HSF2: variants seen among roughly 807,000 people sequenced by gnomAD.
HSF2 encodes the protein heat shock factor protein 2.
Under a neutral mutation model 65.0 loss-of-function variants are expected in HSF2, and 21 were observed. That is an observed-to-expected ratio of 0.32 (90% CI 0.23 to 0.47). The LOEUF (loss-of-function observed/expected upper bound fraction) is 0.47, where lower values mean the gene tolerates loss of function less well. HSF2 is among the 20% of genes least tolerant of loss of function. The probability of loss-of-function intolerance (pLI) is 1.00; values close to 1 mark genes in which losing one functional copy is unlikely to be tolerated. For missense variants in HSF2, 499 were observed against 628.1 expected (o/e 0.79, Z 2.20); for synonymous variants, 225 against 219.1 (o/e 1.03, Z -0.24).
intron 1 of HSF2, among the ~76,000 whole-genome samples, chr6:122,400,097 G>T (rs567284812): frequency 2.4e-4 from 37 of 152,294 alleles, no homozygotes; most frequent in African/African-American, 7.7e-4. Flanking sequence ...GCCCCTTAAC[G>T]GTCCGGTCCG....
At chr6:122,427,522 TCA>T (rs1377493256) in intron 10 of HSF2, among the ~76,000 whole-genome samples, 1 of 151,932 alleles carries the variant, frequency 6.6e-6, no homozygotes, top group Non-Finnish European at 1.5e-5. Context: ...CAGTGAAGGC[TCA>T]GTGTCAGGGC....
rs1562203537 is a variant in HSF2, at chr6:122,420,165, AAAG to A, written c.630_632del (p.Lys210del). 7 of 1,611,022 alleles carry A rather than the reference AAAG, an allele frequency of 4.3e-6. No homozygotes were observed. The highest frequency in any genetic ancestry group is 1.1e-5 in the South Asian group (1 of 90,760). On this transcript the variant is annotated inframe_deletion, in exon 7 of 13. Transcript: ENST00000368455. ...TACTTCTAAACACTAATGGAGCCCA[AAAG>A]AAGAACCTGTTTCAGCACATAGTCA...
intron 4 of HSF2, among the ~76,000 whole-genome samples, chr6:122,414,867 T>TC (rs1774087545): frequency 2.0e-5 from 3 of 152,198 alleles, no homozygotes; most frequent in Admixed American, 2.0e-4. Context: ...TCCGCCCACA[T>TC]CGGCCTTTCA....
At chr6:122,409,498 T>C (rs1773942773) in intron 1 of HSF2, among the ~76,000 whole-genome samples, 1 of 151,916 alleles carries the variant, frequency 6.6e-6, no homozygotes, top group Admixed American at 6.6e-5. Flanking sequence ...ATGGGTAGAT[T>C]GAAAAAGAAG....
chr6:122,406,157 C>T (rs546767499), intron 1 of HSF2, among the ~76,000 whole-genome samples: 1 of 152,274 alleles, frequency 6.6e-6, no homozygotes, highest in Non-Finnish European at 1.5e-5. Flanking sequence ...AGGAACCAAG[C>T]TCTATGCTTG....
At chr6:122,404,056 G>T (rs1056036259) in intron 1 of HSF2, among the ~76,000 whole-genome samples, 2 of 152,306 alleles carry the variant, frequency 1.3e-5, no homozygotes, top group South Asian at 2.1e-4. Flanking sequence ...TCTTCAGATT[G>T]TTTGAGAAAA....
chr6:122,403,110 GTAATATCTCTAGA>G (rs1195738293), intron 1 of HSF2, among the ~76,000 whole-genome samples: 9 of 151,892 alleles, frequency 5.9e-5, no homozygotes, highest in Non-Finnish European at 1.3e-4. Context: ...AACGCAGTTG[GTAATATCTCTAGA>G]TAATATCTCT....
In HSF2 at chr6:122,422,711, G is replaced by C. The variant is rs1207743608; in HGVS notation, c.831-7G>C. 6.2e-7 allele frequency: 1 copy of C among 1,612,434 alleles called. No homozygotes were observed. Among genetic ancestry groups the C allele is most frequent in the Admixed American group, 1.7e-5 (1 of 59,920 alleles). On this transcript the variant is annotated splice_region_variant and splice_polypyrimidine_tract_variant and intron_variant, in intron 8 of 12. Coordinates refer to ENST00000368455, the MANE Select transcript of HSF2 (RefSeq NM_004506.4). ...GTAATAGGTTCCTTCTTTTATTGCT[G>C]ATTTAGCTGTAGCCAGTACCCTGAT... is the stretch of plus-strand genomic sequence containing the variant.
rs1774267997 is a variant in HSF2 at position 122,422,882 on chromosome 6, C to T, written c.995C>T (p.Ser332Leu). 2 of 1,613,480 alleles carry T rather than the reference C, an allele frequency of 1.2e-6. No individual in the cohort carries two copies. Among genetic ancestry groups the T allele is most frequent in the Non-Finnish European group, 1.7e-6 (2 of 1,179,714 alleles). The change falls in exon 9 of 13, where the codon TCA (serine) becomes TTA (leucine). Residue 332 changes from serine to leucine, a missense_variant. This residue lies in a region of HSF2 where 349 missense variants were observed against 393.5 expected (regional missense o/e 0.89). Transcript: ENST00000368455. Reference protein sequence around the residue: ...LMSSAVQLNGSSSLTSEDPVT... With the variant: ...LMSSAVQLNGLSSLTSEDPVT... ...TCTAGTGCTGTCCAGCTAAATGGCT[C>T]ATCCAGTCTGACCTCAGAAGATCCA... is the stretch of plus-strand genomic sequence containing the variant.
At position 122,399,708 on chromosome 6, in the gene HSF2, A is replaced by G. The variant is rs991842757; in HGVS notation, c.-30A>G. 6.3e-6 allele frequency: 10 copies of G among 1,591,132 alleles called. No individual in the cohort carries two copies. Among genetic ancestry groups the G allele is most frequent in the Non-Finnish European group, 8.6e-6 (10 of 1,163,702 alleles). On this transcript the variant is annotated 5_prime_UTR_variant, in exon 1 of 13. Coordinates refer to ENST00000368455, the MANE Select transcript of HSF2 (RefSeq NM_004506.4). ...CGCCGCTACCACCGCGTTCGGGTGTAGAATTTGGAATCCCTGCGCCGCGTT... is the reference window on the plus strand; with the variant it reads ...CGCCGCTACCACCGCGTTCGGGTGTGGAATTTGGAATCCCTGCGCCGCGTT...
intron 4 of HSF2, among the ~76,000 whole-genome samples, chr6:122,414,113 C>A (rs1299986636): frequency 6.6e-6 from 1 of 152,108 alleles, no homozygotes; most frequent in Non-Finnish European, 1.5e-5. Flanking sequence ...GAAAACGATG[C>A]AGGAGAGTTG....
intron 9 of HSF2, 150 bp from the exon 10 acceptor site, chr6:122,423,431 C>A: frequency 2.1e-6 from 1 of 477,684 alleles, no homozygotes; most frequent in Non-Finnish European, 3.7e-6. Flanking sequence ...TCAAGAATTC[C>A]TACTCTAGAA....
intron 5 of HSF2, among the ~76,000 whole-genome samples, chr6:122,418,169 G>C (rs2114441702): frequency 6.6e-6 from 1 of 152,136 alleles, no homozygotes; most frequent in East Asian, 1.9e-4. Context: ...ATCAATTTTG[G>C]CTTTTATTCA....
chr6:122,416,083 A>G (rs904051979), intron 4 of HSF2, 138 bp from the exon 5 acceptor site: 4 of 569,448 alleles, frequency 7.0e-6, no homozygotes, highest in African/African-American at 3.8e-5. Context: ...AATTGAACCA[A>G]AGTTTTCTTG....
chr6:122,402,844 C>T lies in HSF2; in HGVS notation c.93+3014C>T, dbSNP rs117427337. Among the ~76,000 whole-genome samples the T allele has an allele frequency of 7.9e-4, 120 of 152,108 alleles. 1 individual carries two copies. In the East Asian group the frequency reaches 0.021, roughly 26 times the overall value. On this transcript the variant is annotated intron_variant, in intron 1 of 12. Transcript: ENST00000368455. Reference sequence around the variant, plus strand: ...TGAGATTACAGGTGTGAGCCACCGGCGCCCAGGTACTCTCATCTTTTGAAA... The same window carrying T: ...TGAGATTACAGGTGTGAGCCACCGGTGCCCAGGTACTCTCATCTTTTGAAA...
chr6:122,413,295 T>A (rs1374942478), intron 3 of HSF2, among the ~76,000 whole-genome samples: 1 of 143,164 alleles, frequency 7.0e-6, no homozygotes, highest in Admixed American at 7.3e-5. Context: ...TATTCCTGCT[T>A]GCGGAAACTT....
At chr6:122,412,003 CT>C (rs528228446) in intron 1 of HSF2, among the ~76,000 whole-genome samples, 67 of 148,578 alleles carry the variant, frequency 4.5e-4, no homozygotes, top group Middle Eastern at 3.5e-3. Flanking sequence ...CTCTCAAAAT[CT>C]TTTTTTTTTA....
At chr6:122,399,922 C>A in intron 1 of HSF2, 92 bp downstream of exon 1, 2 of 985,366 alleles carry the variant, frequency 2.0e-6, no homozygotes, top group Non-Finnish European at 3.2e-6. Flanking sequence ...CCTTGCGGCT[C>A]GACGCTGTCT....
At chr6:122,411,515 T>C (rs750137893) in intron 1 of HSF2, among the ~76,000 whole-genome samples, 1 of 151,960 alleles carries the variant, frequency 6.6e-6, no homozygotes, top group Non-Finnish European at 1.5e-5. Context: ...AATAAATCAT[T>C]GCCAAGTCTA....
Sources: gnomAD v4.1 joint callset for allele counts (sites outside exome capture counted in the v4.1 genomes callset) on GRCh38, gnomAD v4.1.1 for gene constraint, gnomAD v4.1.1 regional missense constraint, MANE v1.5 for transcripts, NCBI Gene and HGNC (gene_info 2026-07-23, HGNC 2026-07-21) for gene names.